The following MYO19 variants were observed in gnomAD, a reference collection of about 807,000 sequenced individuals.
MYO19 encodes the protein unconventional myosin-XIX.
A neutral mutation model predicts 129.2 loss-of-function variants in MYO19; 132 were observed. The ratio of observed to expected loss-of-function variants is 1.02; its 90% CI spans 0.89 to 1.18. The LOEUF is 1.18. MYO19 is among the 50% of genes most tolerant of loss of function. The pLI, the probability that MYO19 is intolerant of heterozygous loss-of-function variation, is 0.00. For synonymous variants in MYO19, 531 were observed against 477.2 expected, an observed-to-expected ratio of 1.11 and a Z score of -1.47; for missense variants, 1,210 against 1,216.7, an observed-to-expected ratio of 0.99 and a Z score of 0.08.
chr17:36,505,222 TC>T, intron 19 of MYO19, 74 bp downstream of exon 19: 1 of 1,280,180 alleles, frequency 7.8e-7, no homozygotes, highest in South Asian at 1.2e-5. Flanking sequence ...GGAACAGATG[TC>T]CTGCCCTTCA....
At position 36,532,417 on chromosome 17, in the gene MYO19, G is replaced by C. The variant is rs1055377063; in HGVS notation, c.12+110C>G. ...GTAAAAGGCACTGGAGAGACAATTT[G>C]AGGAGAGAAAAGAGACCTTTAAGGG... is the stretch of plus-strand genomic sequence containing the variant. On this transcript the variant is annotated intron_variant, in intron 3 of 25. Coordinates refer to ENST00000614623, the MANE Select transcript of MYO19 (RefSeq NM_001163735.2). The C allele has an allele frequency of 3.9e-6, 5 of 1,291,292 alleles. No individual in the cohort carries two copies. The African/African-American group carries it at 5.9e-5, about 15-fold the overall frequency. 80.0% of individuals were successfully genotyped at this position (1,291,292 alleles called of 1,614,324 possible).
chr17:36,540,562 G>A (rs1376745682), intron 2 of MYO19, among the ~76,000 whole-genome samples: 1 of 151,736 alleles, frequency 6.6e-6, no homozygotes, highest in Non-Finnish European at 1.5e-5. Context: ...GTAGAGATGA[G>A]GTTTTACCAT....
At chr17:36,499,654 C>CTTTTTT (rs1260911885) in intron 23 of MYO19, 19 of 73,102 alleles carry the variant, frequency 2.6e-4, no homozygotes, top group African/African-American at 1.1e-3. Context: ...TATTCTTTTT[C>CTTTTTT]TTTTTGTTTC....
At chr17:36,528,012 T>C (rs1199238727) in intron 4 of MYO19, 52 bp downstream of exon 4, 3 of 1,587,232 alleles carry the variant, frequency 1.9e-6, no homozygotes, top group South Asian at 2.2e-5. Context: ...CTACTCTCAT[T>C]ACACCTCCAA....
intron 6 of MYO19, among the ~76,000 whole-genome samples, chr17:36,524,654 C>T (rs956132495): frequency 2.0e-5 from 3 of 152,254 alleles, no homozygotes; most frequent in Admixed American, 6.5e-5. Flanking sequence ...CCACCATGCG[C>T]AACCCAGAGG....
upstream of MYO19, among the ~76,000 whole-genome samples, chr17:36,536,558 C>T (rs1392786822): frequency 7.2e-6 from 1 of 138,666 alleles, no homozygotes; most frequent in East Asian, 2.2e-4. Context: ...TGGAGTCTCA[C>T]TCTGTGGCCC....
At chr17:36,521,276 T>C (rs1007700002) in intron 6 of MYO19, among the ~76,000 whole-genome samples, 1 of 152,190 alleles carries the variant, frequency 6.6e-6, no homozygotes, top group African/African-American at 2.4e-5. Flanking sequence ...ATTTTAAATA[T>C]GAACAGACAC....
At chr17:36,496,449 G>A (rs1183843473) in intron 25 of MYO19, 43 bp from the exon 26 acceptor site, 1 of 1,601,434 alleles carries the variant, frequency 6.2e-7, no homozygotes, top group East Asian at 2.2e-5. Context: ...TAGTTCCTGG[G>A]AGTGCCAGGG....
At chr17:36,510,942 G>C (rs1346597961) in intron 12 of MYO19, 25 bp from the exon 13 acceptor site, 1 of 1,551,194 alleles carries the variant, frequency 6.4e-7, no homozygotes. Flanking sequence ...TCCTCTTTAG[G>C]CAAATCACTC....
Position 36,534,826 on chromosome 17 carries a change from C to G in MYO19, c.-361G>C, listed in dbSNP as rs1010938016. On this transcript the variant is annotated 5_prime_UTR_variant, in exon 1 of 26. Coordinates refer to ENST00000614623, the MANE Select transcript of MYO19 (RefSeq NM_001163735.2). ...CGGCCAGACTGGAAAGGCGGGCGGG[C>G]CAGGTCAGGCGGCGGGAAGAACACG... 27 of 152,622 alleles carry G rather than the reference C, an allele frequency of 1.8e-4. No individual in the cohort carries two copies. Among genetic ancestry groups the G allele is most frequent in the Admixed American group, 1.3e-3 (20 of 15,312 alleles). The allele number at this position is 152,622 out of a possible 1,614,324, so 9.5% of individuals were successfully genotyped here.
At chr17:36,516,517 C>T (rs1438551646) in intron 6 of MYO19, among the ~76,000 whole-genome samples, 2 of 152,104 alleles carry the variant, frequency 1.3e-5, no homozygotes, top group Admixed American at 1.3e-4. Flanking sequence ...ATTACAGGCG[C>T]ACGCCACCAC....
At chr17:36,535,420 T>C (rs1201000074), upstream of MYO19, 1 of 152,200 alleles carries the variant, frequency 6.6e-6, no homozygotes, top group Non-Finnish European at 1.5e-5. Flanking sequence ...AGCGCCATGA[T>C]GGGCGGAGAC....
chr17:36,509,044 A>G lies in MYO19; in HGVS notation c.1231+18T>C, dbSNP rs2141999536. The stretch of plus-strand genomic sequence containing the variant: ...GCTCTTTTTCTGGAGTGCTCCCAGC[A>G]CAGTGAGGCCTTGCTACCTATGAAA... On this transcript the variant is annotated intron_variant, in intron 14 of 25. Transcript: ENST00000614623. The G allele has an allele frequency of 6.2e-7, 1 of 1,611,660 alleles. No homozygotes were observed. Among genetic ancestry groups the G allele is most frequent in the Non-Finnish European group, 8.5e-7 (1 of 1,178,322 alleles).
In MYO19 at chr17:36,495,929, G is replaced by T; in HGVS notation, c.*322C>A. ...GTTTTCTTCCAAAAGTGCTTATGTG[G>T]AATTGGGATCCCCAGTGTAGTGACA... On this transcript the variant is annotated 3_prime_UTR_variant, in exon 26 of 26. Transcript: ENST00000614623. The T allele has an allele frequency of 9.1e-7, 1 of 1,094,644 alleles. No individual in the cohort carries two copies. The highest frequency in any genetic ancestry group is 3.4e-4 in the Middle Eastern group (1 of 2,922). The allele number at this position is 1,094,644 out of a possible 1,614,324, so 67.8% of individuals were successfully genotyped here. A position where few individuals can be genotyped will look rare whatever the true frequency, so the allele number is the denominator to read the frequency against.
At chr17:36,518,781 G>T (rs1462339648) in intron 6 of MYO19, among the ~76,000 whole-genome samples, 2 of 151,212 alleles carry the variant, frequency 1.3e-5, no homozygotes, top group Non-Finnish European at 2.9e-5. Context: ...CCCAGGCATA[G>T]TGAGATAGAT....
At chr17:36,536,092 G>A (rs2074112764), upstream of MYO19, among the ~76,000 whole-genome samples, 1 of 152,134 alleles carries the variant, frequency 6.6e-6, no homozygotes. Flanking sequence ...CCGTTTTTCA[G>A]ACAATGATGT....
At chr17:36,537,544 A>T, upstream of MYO19, 3 of 1,613,974 alleles carry the variant, frequency 1.9e-6, no homozygotes, top group Non-Finnish European at 2.5e-6. Context: ...TTGGCTGTGG[A>T]CTTCCCACTT....
At chr17:36,496,681 T>C (rs1479961447) in intron 25 of MYO19, among the ~76,000 whole-genome samples, 1 of 152,180 alleles carries the variant, frequency 6.6e-6, no homozygotes, top group African/African-American at 2.4e-5. Context: ...AGCAGGCCTG[T>C]GTGTTTTCAT....
At chr17:36,508,972 T>C in intron 14 of MYO19, 90 bp downstream of exon 14, 1 of 1,129,794 alleles carries the variant, frequency 8.9e-7, no homozygotes, top group Non-Finnish European at 1.3e-6. Context: ...CTGCCCAGAG[T>C]CACACAGTGG....
Sources: gnomAD v4.1 joint callset for allele counts (sites outside exome capture counted in the v4.1 genomes callset) on GRCh38, gnomAD v4.1.1 for gene constraint, MANE v1.5 for transcripts, NCBI Gene and HGNC (gene_info 2026-07-23, HGNC 2026-07-21) for gene names.